Variants in PACSIN2 observed in about 807,000 individuals in gnomAD.
PACSIN2 encodes the protein protein kinase C and casein kinase substrate in neurons 2.
In PACSIN2, 25 loss-of-function variants were observed where a neutral mutation model predicts 63.8. The ratio of observed to expected loss-of-function variants is 0.39; its 90% CI spans 0.29 to 0.55. The LOEUF (loss-of-function observed/expected upper bound fraction) is 0.55. PACSIN2 is among the 20% of genes least tolerant of loss of function. The probability of loss-of-function intolerance (pLI) is 0.62; values close to 1 mark genes in which losing one functional copy is unlikely to be tolerated. For missense variants in PACSIN2, 518 were observed against 646.9 expected (o/e 0.80, Z 2.16); for synonymous variants, 255 against 256.2 (o/e 1.00, Z 0.05).
intron 2 of PACSIN2, among the ~76,000 whole-genome samples, chr22:42,911,717 C>T (rs1406865269): frequency 1.3e-5 from 2 of 152,204 alleles, no homozygotes; most frequent in African/African-American, 4.8e-5. Context: ...CCCACTCACA[C>T]CATGGCAAAC....
chr22:42,994,702 A>AT (rs1267671870), intron 1 of PACSIN2, among the ~76,000 whole-genome samples: 1 of 152,290 alleles, frequency 6.6e-6, no homozygotes, highest in East Asian at 1.9e-4. Flanking sequence ...GATACCTCAG[A>AT]TTCCTCACCC....
chr22:43,005,594 A>G (rs1924041310), intron 1 of PACSIN2, among the ~76,000 whole-genome samples: 1 of 152,228 alleles, frequency 6.6e-6, no homozygotes, highest in Admixed American at 6.5e-5. Context: ...ACCCCGAGTC[A>G]CCAAGGAAAG....
chr22:42,948,233 CA>C (rs1374233338), intron 1 of PACSIN2, among the ~76,000 whole-genome samples: 1 of 152,120 alleles, frequency 6.6e-6, no homozygotes, highest in African/African-American at 2.4e-5. Context: ...AGGGGACTGA[CA>C]AATGGCAGGG....
chr22:42,933,296 T>G (rs1178133683), intron 1 of PACSIN2, among the ~76,000 whole-genome samples: 8 of 152,204 alleles, frequency 5.3e-5, no homozygotes, highest in Admixed American at 4.6e-4. Context: ...CAATGAGATG[T>G]AGAAAGGTAC....
In PACSIN2 at chr22:42,871,152, T is replaced by C. The variant is rs889695224; in HGVS notation, c.*205A>G. 1.9e-5 allele frequency: 11 copies of C among 593,938 alleles called. No homozygotes were observed. The highest frequency in any genetic ancestry group is 1.7e-4 in the Admixed American group (6 of 34,806). 36.8% of individuals were successfully genotyped at this position (593,938 alleles called of 1,614,324 possible). ...CGGCTATTTCTGTTGTTCTGCGTCT[T>C]CCTGCGCTCAGATCCCTCCAGCTGC... is the stretch of plus-strand genomic sequence containing the variant. On this transcript the variant is annotated 3_prime_UTR_variant, in exon 11 of 11. Transcript: ENST00000263246. This position sits in a 1 kb window ranked among gnomAD's most constrained non-coding sequence, Gnocchi z 5.4.
intron 1 of PACSIN2, among the ~76,000 whole-genome samples, chr22:42,990,036 G>GTATA (rs3985928): frequency 3.0e-5 from 1 of 33,366 alleles, no homozygotes; most frequent in East Asian, 2.9e-3. Context: ...GTATATATAT[G>GTATA]TATATATATA....
Position 43,010,398 on chromosome 22 carries a change from A to ATATATATATATATATTTTTTTTTT in PACSIN2, c.-78+4622_-78+4623insAAAAAAAAAATATATATATATATA. On this transcript the variant is annotated intron_variant, in intron 1 of 10. Transcript: ENST00000263246. ...TGTTTAAAAATACATATATATATAT[A>ATATATATATATATATTTTTTTTTT]TTTTTTTTTAATTGAAAATAAAAAA... Among the ~76,000 whole-genome samples the ATATATATATATATATTTTTTTTTT allele has an allele frequency of 2.5e-3, 312 of 126,344 alleles. 3 individuals are homozygous for ATATATATATATATATTTTTTTTTT. The highest frequency in any genetic ancestry group is 3.9e-3 in the Non-Finnish European group (226 of 58,116). 82.9% of individuals were successfully genotyped at this position (126,344 alleles called of 152,430 possible).
At chr22:42,928,753 A>C (rs1001618813) in intron 1 of PACSIN2, among the ~76,000 whole-genome samples, 1 of 152,236 alleles carries the variant, frequency 6.6e-6, no homozygotes, top group African/African-American at 2.4e-5. Flanking sequence ...ATATACCTCT[A>C]AACAAACAAA....
chr22:42,989,224 G>A (rs757522027), intron 1 of PACSIN2, among the ~76,000 whole-genome samples: 8 of 152,170 alleles, frequency 5.3e-5, no homozygotes, highest in Non-Finnish European at 8.8e-5. Flanking sequence ...TCGGCCGGGC[G>A]CAGTGGCTCA....
At chr22:42,885,259 C>T (rs545575543) in intron 5 of PACSIN2, among the ~76,000 whole-genome samples, 1 of 152,258 alleles carries the variant, frequency 6.6e-6, no homozygotes, top group South Asian at 2.1e-4. Flanking sequence ...GGATGTGCCT[C>T]GAGGTCAATG....
At position 42,975,397 on chromosome 22, in the gene PACSIN2, T is replaced by C. The variant is rs564797235; in HGVS notation, c.-78+39624A>G. 4.0e-5 allele frequency among the ~76,000 whole-genome samples: 6 copies of C among 150,348 alleles called. No homozygotes were observed. In the East Asian group the frequency reaches 7.8e-4, roughly 20 times the overall value. On this transcript the variant is annotated intron_variant, in intron 1 of 10. Coordinates refer to ENST00000263246, the MANE Select transcript of PACSIN2 (RefSeq NM_001184970.3). Reference sequence around the variant, plus strand: ...ACTTTGGGAGGCTGAGGCAGGAGAATTGCTCGAGCTCAGGAGTTCGGGCAA... The same window carrying C: ...ACTTTGGGAGGCTGAGGCAGGAGAACTGCTCGAGCTCAGGAGTTCGGGCAA...
intron 1 of PACSIN2, among the ~76,000 whole-genome samples, chr22:42,997,059 C>A (rs1371360667): frequency 6.6e-6 from 1 of 152,188 alleles, no homozygotes; most frequent in East Asian, 1.9e-4. Flanking sequence ...TGGCAACAAG[C>A]AGAGCCCTGG....
chr22:42,939,325 T>A (rs1432439030), intron 1 of PACSIN2, among the ~76,000 whole-genome samples: 1 of 152,186 alleles, frequency 6.6e-6, no homozygotes, highest in Non-Finnish European at 1.5e-5. Context: ...AAATACTCAG[T>A]TGATGTTCCA....
chr22:42,898,428 C>T (rs571671751), intron 2 of PACSIN2, among the ~76,000 whole-genome samples: 4 of 152,202 alleles, frequency 2.6e-5, no homozygotes, highest in South Asian at 2.1e-4. Flanking sequence ...TGCGCCACCA[C>T]GCCCAGCTAA....
At chr22:42,907,386 C>A (rs774728239) in intron 2 of PACSIN2, among the ~76,000 whole-genome samples, 1 of 152,194 alleles carries the variant, frequency 6.6e-6, no homozygotes, top group Non-Finnish European at 1.5e-5. Context: ...CATGGTTCAG[C>A]AGATACTAGT....
At chr22:42,906,540 T>C (rs1931086682) in intron 2 of PACSIN2, among the ~76,000 whole-genome samples, 1 of 152,156 alleles carries the variant, frequency 6.6e-6, no homozygotes, top group Admixed American at 6.5e-5. Context: ...CGACAAAGTC[T>C]ATCTGAACCA....
rs140129011 is a variant in PACSIN2, at chr22:42,904,338, T to C, written c.60+7683A>G. Among the ~76,000 whole-genome samples the C allele has an allele frequency of 3.0e-3, 455 of 152,296 alleles. 5 individuals carry two copies. Among genetic ancestry groups the C allele is most frequent in the African/African-American group, 0.011 (445 of 41,556 alleles). On this transcript the variant is annotated intron_variant, in intron 2 of 10. Coordinates refer to ENST00000263246, the MANE Select transcript of PACSIN2 (RefSeq NM_001184970.3). ...GGAGCCCTGGGTCTCTGGGAAGACA[T>C]GCACTGCTCACTTGCCTTCAGCCGA...
At chr22:42,896,629 T>C (rs1006821513) in intron 2 of PACSIN2, among the ~76,000 whole-genome samples, 1 of 152,220 alleles carries the variant, frequency 6.6e-6, no homozygotes, top group Non-Finnish European at 1.5e-5. Flanking sequence ...TAAGCTTCCA[T>C]GACTCTTCGG....
chr22:42,994,103 CCTT>C (rs1382029662), intron 1 of PACSIN2, among the ~76,000 whole-genome samples: 1 of 152,220 alleles, frequency 6.6e-6, no homozygotes, highest in Non-Finnish European at 1.5e-5. Context: ...AGACTGGAAT[CCTT>C]CTGATATTGC....
Sources: allele counts gnomAD v4.1 joint callset (sites outside exome capture counted in the v4.1 genomes callset), GRCh38; gene constraint gnomAD v4.1.1; non-coding constraint Gnocchi (gnomAD v3.1); transcripts MANE v1.5; gene names NCBI Gene and HGNC (gene_info 2026-07-23, HGNC 2026-07-21).